ATXN1: variants seen among roughly 807,000 people sequenced by gnomAD.
ATXN1 encodes the protein ataxin-1.
In ATXN1, 8 loss-of-function variants were observed where a neutral mutation model predicts 56.4. That is an observed-to-expected ratio of 0.14 (90% CI 0.08 to 0.26). The LOEUF is 0.26. Among genes scored for constraint, ATXN1 ranks in the 10% least tolerant of loss-of-function variants. The pLI, the probability that ATXN1 is intolerant of heterozygous loss-of-function variation, is 1.00. For missense variants in ATXN1, 987 were observed against 1,106.5 expected (o/e 0.89, Z 1.53); for synonymous variants, 514 against 494.6 (o/e 1.04, Z -0.52).
chr6:16,588,074 G>A (rs9477178), intron 3 of ATXN1, among the ~76,000 whole-genome samples: 17,336 of 151,658 alleles, frequency 0.11, 2,096 homozygotes, highest in African/African-American at 0.31. Flanking sequence ...CCTCACCTAC[G>A]TTTCCTAGCT....
chr6:16,629,933 C>G (rs969934619), intron 3 of ATXN1, among the ~76,000 whole-genome samples: 6 of 148,902 alleles, frequency 4.0e-5, no homozygotes, highest in African/African-American at 1.5e-4. Context: ...AAAAAAAATT[C>G]AAAAATTTCT....
chr6:16,570,029 A>G (rs1339590394), intron 4 of ATXN1, among the ~76,000 whole-genome samples: 3 of 152,166 alleles, frequency 2.0e-5, no homozygotes, highest in Non-Finnish European at 2.9e-5. Context: ...TATCCGTAAC[A>G]CCATCAAAAA....
intron 4 of ATXN1, among the ~76,000 whole-genome samples, chr6:16,561,284 C>G (rs1762111827): frequency 6.6e-6 from 1 of 152,124 alleles, no homozygotes; most frequent in Non-Finnish European, 1.5e-5. Flanking sequence ...TTCCCTAAAA[C>G]TATCTGATTA....
At chr6:16,675,255 C>T (rs1041483478) in intron 2 of ATXN1, among the ~76,000 whole-genome samples, 2 of 152,144 alleles carry the variant, frequency 1.3e-5, no homozygotes, top group Non-Finnish European at 2.9e-5. Context: ...GAGATTAACC[C>T]GCAATCAAAT....
intron 2 of ATXN1, among the ~76,000 whole-genome samples, chr6:16,740,335 C>G (rs568217807): frequency 6.6e-6 from 1 of 152,142 alleles, no homozygotes; most frequent in Admixed American, 6.5e-5. Flanking sequence ...CCAGCACCAG[C>G]TCCTTCTTGC....
chr6:16,599,388 T>C (rs567017170), intron 3 of ATXN1, among the ~76,000 whole-genome samples: 1 of 151,948 alleles, frequency 6.6e-6, no homozygotes, highest in East Asian at 1.9e-4. Flanking sequence ...CCTCCAAAGA[T>C]TTCCTTCTAT....
intron 2 of ATXN1, among the ~76,000 whole-genome samples, chr6:16,701,254 A>G (rs201864086): frequency 1.3e-5 from 2 of 152,400 alleles, no homozygotes; most frequent in East Asian, 3.9e-4. Flanking sequence ...AACTAACAAC[A>G]GACTAGCCCA....
At chr6:16,739,819 T>C (rs1472669703) in intron 2 of ATXN1, 7 of 456,598 alleles carry the variant, frequency 1.5e-5, no homozygotes, top group Admixed American at 4.7e-5. Flanking sequence ...CCTGGCGAGT[T>C]CATAAACACT....
intron 4 of ATXN1, among the ~76,000 whole-genome samples, chr6:16,580,933 G>A (rs1008461919): frequency 7.9e-5 from 12 of 152,152 alleles, no homozygotes; most frequent in Non-Finnish European, 1.6e-4. Context: ...TATGCTGAAA[G>A]ATAAATTTTG....
intron 2 of ATXN1, among the ~76,000 whole-genome samples, chr6:16,693,412 G>A (rs569542827): frequency 2.7e-4 from 41 of 152,188 alleles, no homozygotes; most frequent in African/African-American, 9.2e-4. Context: ...TATGTGAAAG[G>A]GCTTTGGAAG....
At chr6:16,596,363 G>A (rs3817836) in intron 3 of ATXN1, among the ~76,000 whole-genome samples, 6 of 151,834 alleles carry the variant, frequency 4.0e-5, no homozygotes, top group South Asian at 2.1e-4. Context: ...ATCTAAAATC[G>A]GGTGCTGGAT....
chr6:16,358,654 C>T (rs1035796695), intron 6 of ATXN1, among the ~76,000 whole-genome samples: 2 of 152,196 alleles, frequency 1.3e-5, no homozygotes, highest in Non-Finnish European at 1.5e-5. Flanking sequence ...CTGTTCATTC[C>T]GAGTTGGGAT....
At chr6:16,420,935 T>A (rs1759019341) in intron 6 of ATXN1, among the ~76,000 whole-genome samples, 1 of 152,198 alleles carries the variant, frequency 6.6e-6, no homozygotes, top group Non-Finnish European at 1.5e-5. Flanking sequence ...GCATAATGTC[T>A]CTGCGGTTTT....
intron 4 of ATXN1, among the ~76,000 whole-genome samples, chr6:16,550,746 T>C (rs9477159): frequency 0.15 from 22,210 of 152,224 alleles, 1,887 homozygotes; most frequent in African/African-American, 0.23. Context: ...TTGCAACATA[T>C]AGTATGACAC....
At chr6:16,401,250 C>T (rs1285150832) in intron 6 of ATXN1, among the ~76,000 whole-genome samples, 1 of 152,170 alleles carries the variant, frequency 6.6e-6, no homozygotes, top group Non-Finnish European at 1.5e-5. Context: ...TTGCCCGTCT[C>T]TTTACACAAC....
At chr6:16,592,405 G>A (rs1180513665) in intron 3 of ATXN1, among the ~76,000 whole-genome samples, 4 of 152,016 alleles carry the variant, frequency 2.6e-5, no homozygotes, top group Admixed American at 6.6e-5. Flanking sequence ...CGCATATGCC[G>A]GACTCCTGCC....
At chr6:16,627,026 C>A (rs1451866985) in intron 3 of ATXN1, among the ~76,000 whole-genome samples, 2 of 152,182 alleles carry the variant, frequency 1.3e-5, no homozygotes, top group Non-Finnish European at 1.5e-5. Context: ...GTAGACCTCG[C>A]AAACTGACAG....
At position 16,334,138 on chromosome 6, in the gene ATXN1, G is replaced by A. The variant is rs760947258; in HGVS notation, c.-160-5668C>T. On this transcript the variant is annotated intron_variant, in intron 6 of 7. Coordinates refer to ENST00000436367, the MANE Select transcript of ATXN1 (RefSeq NM_001128164.2). The stretch of plus-strand genomic sequence containing the variant: ...CTATTCAATACTAATACAGTGTTTT[G>A]GTTATCATATTTCGAAGTAACAGAA... 2.9e-4 allele frequency among the ~76,000 whole-genome samples: 44 copies of A among 152,172 alleles called. 1 individual carries two copies. In the Middle Eastern group the frequency reaches 0.014, roughly 47 times the overall value.
intron 5 of ATXN1, among the ~76,000 whole-genome samples, chr6:16,491,585 T>C (rs1479747070): frequency 1.3e-5 from 2 of 152,120 alleles, no homozygotes; most frequent in South Asian, 2.1e-4. Context: ...GTGTGAGCCA[T>C]GGCGCCCGGC....
Sources: allele counts gnomAD v4.1 joint callset (sites outside exome capture counted in the v4.1 genomes callset), GRCh38; gene constraint gnomAD v4.1.1; transcripts MANE v1.5; gene names NCBI Gene and HGNC (gene_info 2026-07-23, HGNC 2026-07-21).